The following PLAGL1 variants were observed in gnomAD, a reference collection of about 807,000 sequenced individuals.
The protein encoded by PLAGL1 is PLAG1 like zinc finger 1.
A neutral mutation model predicts 4.6 loss-of-function variants in PLAGL1; 1 was observed. The ratio of observed to expected loss-of-function variants is 0.22; its 90% CI spans 0.08 to 1.03. The LOEUF (loss-of-function observed/expected upper bound fraction) is 1.03, where lower values mean the gene tolerates loss of function less well. Ranked by LOEUF, PLAGL1 falls within the 50% of genes least tolerant of loss-of-function variation. PLAGL1 has a pLI of 0.58. For synonymous variants in PLAGL1, 240 were observed against 237.8 expected (o/e 1.01, Z -0.08); for missense variants, 464 against 570.4 (o/e 0.81, Z 1.90).
upstream of PLAGL1, chr6:144,008,327 G>A (rs1794792962): frequency 6.6e-6 from 1 of 151,902 alleles, no homozygotes; most frequent in Non-Finnish European, 1.5e-5. The surrounding 1 kb of genome is among the most constrained non-coding windows in gnomAD (Gnocchi z 6.9). Flanking sequence ...AATGACAAAT[G>A]GCAGATGCCG....
chr6:144,005,144 G>C lies in PLAGL1; in HGVS notation c.-584+2946C>G, dbSNP rs1314455218. On this transcript the variant is annotated intron_variant, in intron 1 of 7. Transcript: ENST00000674357. The surrounding 1 kb of genome is among the most constrained non-coding windows in gnomAD (Gnocchi z 4.6). ...CATAAAGCAATTCTCGAATTTCAAA[G>C]AATTGTTGGCCTTGACACGTATGCT... 2 of 151,996 alleles carry C rather than the reference G, an allele frequency of 1.3e-5. No homozygotes were observed. The highest frequency in any genetic ancestry group is 2.9e-5 in the Non-Finnish European group (2 of 67,982). 9.4% of individuals were successfully genotyped at this position (151,996 alleles called of 1,614,324 possible).
chr6:144,049,875 C>T (rs781333893), intron 1 of PLAGL1, among the ~76,000 whole-genome samples: 9 of 152,128 alleles, frequency 5.9e-5, no homozygotes, highest in Admixed American at 2.0e-4. Context: ...TTTTATCCTT[C>T]GTGCTGCGTA....
rs61216054 is a variant in PLAGL1, at chr6:143,943,031, A to ATTTTTTTTTTTTTTTTTTTT, written c.153-369_153-368insAAAAAAAAAAAAAAAAAAAA. On this transcript the variant is annotated intron_variant, in intron 7 of 7. Coordinates refer to ENST00000674357, the MANE Select transcript of PLAGL1 (RefSeq NM_001317162.2). ...AGGCACACACCACCAGGCCTGGCTA[A>ATTTTTTTTTTTTTTTTTTTT]TTTTTTTTTTTTTTTTTTTGAGACA... 6.7e-4 allele frequency among the ~76,000 whole-genome samples: 43 copies of ATTTTTTTTTTTTTTTTTTTT among 64,638 alleles called. 8 individuals are homozygous for ATTTTTTTTTTTTTTTTTTTT. Among genetic ancestry groups the ATTTTTTTTTTTTTTTTTTTT allele is most frequent in the African/African-American group, 2.2e-3 (42 of 19,106 alleles). The allele number at this position is 64,638 out of a possible 152,430, so 42.4% of individuals were successfully genotyped here.
At chr6:143,943,215 A>C (rs1779045367) in intron 7 of PLAGL1, among the ~76,000 whole-genome samples, 1 of 151,846 alleles carries the variant, frequency 6.6e-6, no homozygotes, top group Admixed American at 6.6e-5. Flanking sequence ...ATTTCTGAAC[A>C]AAGTATGCAA....
At position 144,062,206 on chromosome 6, in the gene PLAGL1, T is replaced by C. The variant is rs1003131147; in HGVS notation, c.-151+2262A>G. Among the ~76,000 whole-genome samples, 10 of 151,986 alleles carry C rather than the reference T, an allele frequency of 6.6e-5. No homozygotes were observed. The South Asian group carries it at 1.9e-3, about 28-fold the overall frequency. ...TCCTGGCTAACACGGTGAAACCCTG[T>C]CTCTACTAAAAATACAAAAACTTAG... is the stretch of plus-strand genomic sequence containing the variant. On this transcript the variant is annotated intron_variant, in intron 1 of 3. Coordinates refer to the PLAGL1 transcript ENST00000437412.
intron 1 of PLAGL1, among the ~76,000 whole-genome samples, chr6:144,033,849 C>T (rs1468194387): frequency 6.6e-6 from 1 of 152,132 alleles, no homozygotes; most frequent in Non-Finnish European, 1.5e-5. Context: ...AGATATGACC[C>T]ATAACTAGAG....
chr6:144,051,077 G>A (rs1798545834), intron 1 of PLAGL1, among the ~76,000 whole-genome samples: 1 of 152,152 alleles, frequency 6.6e-6, no homozygotes, highest in Non-Finnish European at 1.5e-5. Flanking sequence ...AGCTTTAACA[G>A]TTTGTAATAT....
In PLAGL1 at chr6:144,053,324, A is replaced by G. The variant is rs1359782040; in HGVS notation, c.-151+11144T>C. Among the ~76,000 whole-genome samples, 1 of 152,174 alleles carries G rather than the reference A, an allele frequency of 6.6e-6. No homozygotes were observed. The highest frequency in any genetic ancestry group is 1.9e-4 in the East Asian group (1 of 5,178). ...TAATTTTTGTATTTTTAGTGGAGACAGGGTTTCACCATGTTAGCCAGGCTG... is the reference window on the plus strand; with the variant it reads ...TAATTTTTGTATTTTTAGTGGAGACGGGGTTTCACCATGTTAGCCAGGCTG... On this transcript the variant is annotated intron_variant, in intron 1 of 3. Coordinates refer to the PLAGL1 transcript ENST00000437412. This position sits in a 1 kb window ranked among gnomAD's most constrained non-coding sequence, Gnocchi z 4.0.
At chr6:144,033,084 G>T (rs559049245) in intron 1 of PLAGL1, among the ~76,000 whole-genome samples, 1 of 152,206 alleles carries the variant, frequency 6.6e-6, no homozygotes, top group African/African-American at 2.4e-5. Context: ...TTATTCATTA[G>T]ATGAATTTTA....
chr6:144,012,170 G>C (rs1795234323), upstream of PLAGL1, among the ~76,000 whole-genome samples: 2 of 152,014 alleles, frequency 1.3e-5, no homozygotes, highest in Non-Finnish European at 2.9e-5. This position sits in a 1 kb window ranked among gnomAD's most constrained non-coding sequence, Gnocchi z 4.8. Context: ...TTCTTTGGTT[G>C]CAGCATGTAA....
In PLAGL1 at chr6:144,027,234, CGAAA is replaced by C. The variant is rs67928472; in HGVS notation, c.-151+37230_-151+37233del. ...GAAAGACCCCAACTCAAAGAACGAA[CGAAA>C]GAAAGAAAGAAAGAAAGAAAGAAAG... On this transcript the variant is annotated intron_variant, in intron 1 of 3. Coordinates refer to the PLAGL1 transcript ENST00000437412. The surrounding 1 kb of genome is among the most constrained non-coding windows in gnomAD (Gnocchi z 5.8). Among the ~76,000 whole-genome samples, 14,959 of 111,332 alleles carry C rather than the reference CGAAA, an allele frequency of 0.13. 1,065 individuals are homozygous for C. The highest frequency in any genetic ancestry group is 0.18 in the South Asian group (573 of 3,258). The allele number at this position is 111,332 out of a possible 152,430, so 73.0% of individuals were successfully genotyped here. A position where few individuals can be genotyped will look rare whatever the true frequency, so the allele number is the denominator to read the frequency against.
chr6:144,043,708 G>A (rs1017182910), intron 1 of PLAGL1, among the ~76,000 whole-genome samples: 2 of 152,142 alleles, frequency 1.3e-5, no homozygotes, highest in Non-Finnish European at 2.9e-5. Context: ...AGTTAGGGAG[G>A]ATTCCCTCTT....
chr6:144,042,986 G>C (rs1261580566), intron 1 of PLAGL1, among the ~76,000 whole-genome samples: 6 of 152,086 alleles, frequency 3.9e-5, no homozygotes, highest in Non-Finnish European at 7.4e-5. Flanking sequence ...GTCTGTTATT[G>C]GTGTATAGGA....
chr6:144,023,266 G>A (rs1796100164), intron 1 of PLAGL1, among the ~76,000 whole-genome samples: 1 of 152,148 alleles, frequency 6.6e-6, no homozygotes, highest in African/African-American at 2.4e-5. Flanking sequence ...CAGAGGATTT[G>A]GGGATTTTTT....
chr6:144,001,057 C>T (rs775729266), intron 1 of PLAGL1, among the ~76,000 whole-genome samples: 1 of 151,918 alleles, frequency 6.6e-6, no homozygotes, highest in Non-Finnish European at 1.5e-5. Context: ...TTTCTAATAC[C>T]ATCCTCCAAT....
intron 1 of PLAGL1, among the ~76,000 whole-genome samples, chr6:144,003,414 G>A (rs978029266): frequency 1.3e-5 from 2 of 152,120 alleles, no homozygotes; most frequent in African/African-American, 4.8e-5. Context: ...CACGAGGTCA[G>A]GAGATCAAGA....
rs1462728880 is a variant in PLAGL1 at position 143,978,801 on chromosome 6, T to C, written c.-544+6334A>G. Among the ~76,000 whole-genome samples the C allele has an allele frequency of 6.6e-6, 1 of 152,212 alleles. No homozygotes were observed. Among genetic ancestry groups the C allele is most frequent in the Non-Finnish European group, 1.5e-5 (1 of 68,010 alleles). On this transcript the variant is annotated intron_variant, in intron 2 of 7. Coordinates refer to ENST00000674357, the MANE Select transcript of PLAGL1 (RefSeq NM_001317162.2). The surrounding 1 kb of genome is among the most constrained non-coding windows in gnomAD (Gnocchi z 4.6). ...TGCAGTTTGCTGTTGAGTAGCGTTCTATAAACGCCAATTAAGTCAATGTGG... is the reference window on the plus strand; with the variant it reads ...TGCAGTTTGCTGTTGAGTAGCGTTCCATAAACGCCAATTAAGTCAATGTGG...
chr6:144,028,941 A>AT (rs1041301790), intron 1 of PLAGL1, among the ~76,000 whole-genome samples: 6 of 152,038 alleles, frequency 3.9e-5, no homozygotes, highest in African/African-American at 1.4e-4. Context: ...ATTTTTTCTC[A>AT]TTTTTTATGT....
chr6:143,941,314 T>C lies in PLAGL1; in HGVS notation c.*110A>G. 1 of 768,840 alleles carries C rather than the reference T, an allele frequency of 1.3e-6. No individual in the cohort carries two copies. The highest frequency in any genetic ancestry group is 2.8e-5 in the East Asian group (1 of 35,728). 47.6% of individuals were successfully genotyped at this position (768,840 alleles called of 1,614,324 possible). On this transcript the variant is annotated 3_prime_UTR_variant, in exon 8 of 8. Transcript: ENST00000674357. This position sits in a 1 kb window ranked among gnomAD's most constrained non-coding sequence, Gnocchi z 6.0. The stretch of plus-strand genomic sequence containing the variant: ...TCATCTCAAGCCAGTCATCACTGAA[T>C]AAGCCATAGTCCCAGTCTCGTTTTC...
Sources: gnomAD v4.1 joint callset for allele counts (sites outside exome capture counted in the v4.1 genomes callset) on GRCh38, gnomAD v4.1.1 for gene constraint, Gnocchi (gnomAD v3.1) non-coding constraint, MANE v1.5 for transcripts, NCBI Gene and HGNC (gene_info 2026-07-23, HGNC 2026-07-21) for gene names.